The following CCDC178 variants were observed in gnomAD, a reference collection of about 807,000 sequenced individuals.
CCDC178 encodes the protein coiled-coil domain-containing protein 178.
A neutral mutation model predicts 117.4 loss-of-function variants in CCDC178; 126 were observed. The observed-to-expected ratio is 1.07, with a 90% confidence interval of 0.93 to 1.24. CCDC178 has a LOEUF of 1.24. Among genes scored for constraint, CCDC178 ranks in the 50% most tolerant of loss-of-function variants. The probability of loss-of-function intolerance (pLI) is 0.00; values close to 1 mark genes in which losing one functional copy is unlikely to be tolerated. For synonymous variants in CCDC178, 283 were observed against 313.4 expected (o/e 0.90, Z 1.02); for missense variants, 1,030 against 986.9 (o/e 1.04, Z -0.59).
chr18:33,082,383 G>T (rs1233638045), intron 21 of CCDC178, among the ~76,000 whole-genome samples: 1 of 152,052 alleles, frequency 6.6e-6, no homozygotes, highest in Non-Finnish European at 1.5e-5. Context: ...GAGGTGGGAG[G>T]ATCACCTGAG....
Position 33,410,105 on chromosome 18 carries a change from C to T in CCDC178, c.58+1926G>A, listed in dbSNP as rs559183704. 7.2e-5 allele frequency among the ~76,000 whole-genome samples: 11 copies of T among 152,286 alleles called. No homozygotes were observed. The East Asian group carries it at 9.6e-4, about 13-fold the overall frequency. On this transcript the variant is annotated intron_variant, in intron 3 of 22. Coordinates refer to ENST00000383096, the MANE Select transcript of CCDC178 (RefSeq NM_001105528.4). ...TGACTTTCTAGCTTTTGCTTGCAAA[C>T]GAGTGTAGACTGGATCATTTTCTGT... is the stretch of plus-strand genomic sequence containing the variant.
intron 20 of CCDC178, among the ~76,000 whole-genome samples, chr18:33,198,976 T>C (rs939867504): frequency 6.6e-6 from 1 of 152,114 alleles, no homozygotes; most frequent in Non-Finnish European, 1.5e-5. Flanking sequence ...ATAGTGTATT[T>C]AATGTAGCAG....
At chr18:33,319,385 G>A (rs2062470603) in intron 11 of CCDC178, among the ~76,000 whole-genome samples, 1 of 151,858 alleles carries the variant, frequency 6.6e-6, no homozygotes, top group African/African-American at 2.4e-5. Flanking sequence ...CATTTTTTAT[G>A]GTTGCATAGT....
chr18:33,086,423 T>TACAC (rs1202668250), intron 21 of CCDC178, among the ~76,000 whole-genome samples: 2 of 149,070 alleles, frequency 1.3e-5, no homozygotes, highest in African/African-American at 5.0e-5. Flanking sequence ...TATAAATATA[T>TACAC]ATACACACAC....
chr18:33,398,430 T>C (rs1171733543), intron 3 of CCDC178, among the ~76,000 whole-genome samples: 1 of 152,178 alleles, frequency 6.6e-6, no homozygotes, highest in Non-Finnish European at 1.5e-5. Context: ...AAATTGAGAT[T>C]TGTGCTAATA....
chr18:33,069,126 A>T (rs1313842944), intron 21 of CCDC178, among the ~76,000 whole-genome samples: 2 of 152,152 alleles, frequency 1.3e-5, no homozygotes, highest in African/African-American at 4.8e-5. Context: ...CAATCTACAG[A>T]TTCAATGTAA....
chr18:33,135,407 T>C (rs541122844), intron 20 of CCDC178, among the ~76,000 whole-genome samples: 53 of 152,284 alleles, frequency 3.5e-4, no homozygotes, highest in African/African-American at 1.2e-3. Context: ...GTCTGATTTT[T>C]AAGTATCATG....
At chr18:33,260,848 T>G (rs2059738493) in intron 14 of CCDC178, among the ~76,000 whole-genome samples, 1 of 152,158 alleles carries the variant, frequency 6.6e-6, no homozygotes, top group Admixed American at 6.5e-5. Flanking sequence ...GTGGCACGCT[T>G]GTCACAAATC....
At chr18:33,230,246 CTGTGTGTGTGTG>C (rs111674114) in intron 15 of CCDC178, among the ~76,000 whole-genome samples, 1 of 147,998 alleles carries the variant, frequency 6.8e-6, no homozygotes, top group African/African-American at 2.5e-5. Context: ...AACTCAGAGG[CTGTGTGTGTGTG>C]TGTGTGTGTG....
At chr18:33,168,144 A>G (rs1347132938) in intron 20 of CCDC178, among the ~76,000 whole-genome samples, 1 of 152,116 alleles carries the variant, frequency 6.6e-6, no homozygotes. Context: ...CATCTTTGTT[A>G]TGACATCTTT....
chr18:33,223,603 A>G (rs949819491), intron 17 of CCDC178, among the ~76,000 whole-genome samples: 5 of 152,142 alleles, frequency 3.3e-5, no homozygotes, highest in Non-Finnish European at 5.9e-5. Flanking sequence ...ATTAATTCTT[A>G]TAATTTATTA....
intron 3 of CCDC178, among the ~76,000 whole-genome samples, chr18:33,407,064 C>T (rs1302892796): frequency 2.0e-5 from 3 of 152,112 alleles, no homozygotes; most frequent in Non-Finnish European, 2.9e-5. Flanking sequence ...CTGAATGAGT[C>T]GCATGGCTGC....
At chr18:33,134,602 A>T (rs1309904149) in intron 20 of CCDC178, among the ~76,000 whole-genome samples, 1 of 152,080 alleles carries the variant, frequency 6.6e-6, no homozygotes, top group Non-Finnish European at 1.5e-5. Flanking sequence ...CACTGCTTTC[A>T]AAACAAGATT....
chr18:33,111,360 A>G (rs1567995237), intron 20 of CCDC178, among the ~76,000 whole-genome samples: 1 of 151,604 alleles, frequency 6.6e-6, no homozygotes, highest in African/African-American at 2.4e-5. Flanking sequence ...GCCATCTTTT[A>G]TCATGTTAAA....
chr18:33,098,589 C>A (rs2057578597), intron 20 of CCDC178, among the ~76,000 whole-genome samples: 1 of 152,038 alleles, frequency 6.6e-6, no homozygotes, highest in African/African-American at 2.4e-5. Context: ...CTACCACATC[C>A]ATATTCTTGC....
rs1239273203 is a variant in CCDC178 at position 32,974,582 on chromosome 18, AGTCT to A, written c.2484_2487del (p.Asp829LeufsTer9). The A allele has an allele frequency of 6.2e-7, 1 of 1,613,732 alleles. No homozygotes were observed. The highest frequency in any genetic ancestry group is 1.1e-5 in the South Asian group (1 of 91,078). Reference sequence around the variant, plus strand: ...AATATTTTCTGAATACTCTCCTGAGAGTCTGTCTGGAAGTTGGCCAGCCTCATCT... The same window carrying A: ...AATATTTTCTGAATACTCTCCTGAGAGTCTGGAAGTTGGCCAGCCTCATCT... On this transcript the variant is annotated frameshift_variant, in exon 22 of 23. Coordinates refer to ENST00000383096, the MANE Select transcript of CCDC178 (RefSeq NM_001105528.4). LOFTEE classifies it high-confidence loss of function.
chr18:33,113,818 T>C (rs117590495), intron 20 of CCDC178, among the ~76,000 whole-genome samples: 1,955 of 152,182 alleles, frequency 0.013, 16 homozygotes, highest in Admixed American at 0.02. Context: ...AGGGTTTATA[T>C]ATATAACCTA....
chr18:33,348,987 GA>G lies in CCDC178; in HGVS notation c.372-13del. Reference sequence around the variant, plus strand: ...AAGAAGTTCTGCTCCTATATAATGGGAAAGAAGCAAGCAGTAAAGAAGTACT... The same window carrying G: ...AAGAAGTTCTGCTCCTATATAATGGGAAGAAGCAAGCAGTAAAGAAGTACT... On this transcript the variant is annotated splice_polypyrimidine_tract_variant and intron_variant, in intron 7 of 22. Coordinates refer to ENST00000383096, the MANE Select transcript of CCDC178 (RefSeq NM_001105528.4). 6.4e-7 allele frequency: 1 copy of G among 1,565,394 alleles called. No individual in the cohort carries two copies. The highest frequency in any genetic ancestry group is 1.8e-4 in the Middle Eastern group (1 of 5,686).
At chr18:33,134,298 T>C (rs943270826) in intron 20 of CCDC178, among the ~76,000 whole-genome samples, 5 of 152,012 alleles carry the variant, frequency 3.3e-5, no homozygotes, top group Admixed American at 6.6e-5. Context: ...TAGTTGGGGG[T>C]TAGGATAATT....
Sources: allele counts gnomAD v4.1 joint callset (sites outside exome capture counted in the v4.1 genomes callset), GRCh38; gene constraint gnomAD v4.1.1; transcripts MANE v1.5; gene names NCBI Gene and HGNC (gene_info 2026-07-23, HGNC 2026-07-21).